The following SEC24D variants were observed in gnomAD, a reference collection of about 807,000 sequenced individuals.
SEC24D encodes the protein SEC24 homolog D, COPII component, also known as protein transport protein Sec24D.
In SEC24D, 69 loss-of-function variants were observed where a neutral mutation model predicts 116.9. The ratio of observed to expected loss-of-function variants is 0.59; its 90% CI spans 0.49 to 0.72. The LOEUF is 0.72. Among genes scored for constraint, SEC24D ranks in the 30% least tolerant of loss-of-function variants. The pLI is 0.00. For missense variants in SEC24D, 1,131 were observed against 1,264.1 expected, an observed-to-expected ratio of 0.89 and a Z score of 1.60; for synonymous variants, 405 against 442.8, an observed-to-expected ratio of 0.91 and a Z score of 1.07.
intron 19 of SEC24D, among the ~76,000 whole-genome samples, chr4:118,734,849 C>T (rs1361006370): frequency 6.6e-6 from 1 of 152,126 alleles, no homozygotes; most frequent in African/African-American, 2.4e-5. Context: ...CATTTAACAA[C>T]ATTTGGTACT....
chr4:118,742,756 C>T (rs3775835), intron 15 of SEC24D, among the ~76,000 whole-genome samples: 48,395 of 152,124 alleles, frequency 0.32, 11,284 homozygotes, highest in African/African-American at 0.67. Flanking sequence ...CATGCCTCCA[C>T]GCCTGCCCAG....
intron 6 of SEC24D, 72 bp downstream of exon 6, chr4:118,814,952 TAACA>T: frequency 6.7e-7 from 1 of 1,501,356 alleles, no homozygotes; most frequent in Non-Finnish European, 9.2e-7. Context: ...GGATAAATGC[TAACA>T]AACTGATGAG....
chr4:118,746,505 C>T (rs1246424437), intron 13 of SEC24D, among the ~76,000 whole-genome samples: 2 of 152,040 alleles, frequency 1.3e-5, no homozygotes, highest in African/African-American at 2.4e-5. Flanking sequence ...ATGATAGCTT[C>T]AAAGGCCCTT....
chr4:118,833,616 C>A lies in SEC24D; in HGVS notation c.81G>T (p.Gly27=). 1 of 1,613,892 alleles carries A rather than the reference C, an allele frequency of 6.2e-7. No individual in the cohort carries two copies. The change falls in exon 2 of 23, where the codon GGG becomes GGT. Residue 27 remains glycine, a synonymous_variant. Coordinates refer to ENST00000280551, the MANE Select transcript of SEC24D (RefSeq NM_014822.4). ...PGIGLSPPHY[G]HYGDPSHTAS... is the part of the protein sequence containing the mutation. ...CTGTGTGCGACGGATCCCCATAGTGCCCATAATGAGGTGGAGAAAGGCCTA... is the reference window on the plus strand; with the variant it reads ...CTGTGTGCGACGGATCCCCATAGTGACCATAATGAGGTGGAGAAAGGCCTA...
intron 14 of SEC24D, among the ~76,000 whole-genome samples, chr4:118,744,413 C>A (rs1028582911): frequency 6.6e-6 from 1 of 152,200 alleles, no homozygotes; most frequent in African/African-American, 2.4e-5. Flanking sequence ...CTCCATCAAT[C>A]CTAATGGAGC....
chr4:118,835,575 TATTTCTAAC>T (rs1731059747), intron 1 of SEC24D, among the ~76,000 whole-genome samples: 1 of 152,206 alleles, frequency 6.6e-6, no homozygotes, highest in Non-Finnish European at 1.5e-5. Flanking sequence ...TTACCATGAA[TATTTCTAAC>T]ATTTCCTTCC....
Position 118,836,116 on chromosome 4 carries a change from C to G in SEC24D, c.-217G>C, listed in dbSNP as rs2110550075. ...GGAGTTGCAGCTGGGCTGGGAACTG[C>G]CACGTCAAACCCTTTCTCGGCTGCG... On this transcript the variant is annotated 5_prime_UTR_variant, in exon 1 of 23. Coordinates refer to ENST00000280551, the MANE Select transcript of SEC24D (RefSeq NM_014822.4). 6.6e-6 allele frequency: 1 copy of G among 152,244 alleles called. No homozygotes were observed. The highest frequency in any genetic ancestry group is 1.9e-4 in the East Asian group (1 of 5,158). 9.4% of individuals were successfully genotyped at this position (152,244 alleles called of 1,614,324 possible).
At chr4:118,742,374 G>GGA (rs978076812) in intron 15 of SEC24D, among the ~76,000 whole-genome samples, 2 of 72,634 alleles carry the variant, frequency 2.8e-5, no homozygotes, top group Non-Finnish European at 9.9e-5. Context: ...TTGGAAAAGT[G>GGA]GGGGGGGGAA....
chr4:118,738,678 T>TGAATTCTTAC (rs1487360760), intron 18 of SEC24D, among the ~76,000 whole-genome samples: 2 of 152,232 alleles, frequency 1.3e-5, no homozygotes, highest in African/African-American at 4.8e-5. Context: ...TTTGATGTCC[T>TGAATTCTTAC]GAATTCTTAC....
chr4:118,751,176 C>CTTTTTTTTTTTTTTTTTTTTTTTT lies in SEC24D; in HGVS notation c.1707+819_1707+820insAAAAAAAAAAAAAAAAAAAAAAAA, dbSNP rs1185148886. On this transcript the variant is annotated intron_variant, in intron 13 of 22. Coordinates refer to ENST00000280551, the MANE Select transcript of SEC24D (RefSeq NM_014822.4). Reference sequence around the variant, plus strand: ...TAATAATGATGATTTAGAGTGAGGGCTTTTTTTTTTTTTTTTTTTGAGATG... The same window carrying CTTTTTTTTTTTTTTTTTTTTTTTT: ...TAATAATGATGATTTAGAGTGAGGGCTTTTTTTTTTTTTTTTTTTTTTTTTTTTTTTTTTTTTTTTTTTGAGATG... Among the ~76,000 whole-genome samples, 48 of 100,328 alleles carry CTTTTTTTTTTTTTTTTTTTTTTTT rather than the reference C, an allele frequency of 4.8e-4. 6 individuals are homozygous for CTTTTTTTTTTTTTTTTTTTTTTTT. The highest frequency in any genetic ancestry group is 6.2e-4 in the Non-Finnish European group (31 of 50,332). 65.8% of individuals were successfully genotyped at this position (100,328 alleles called of 152,430 possible). A position where few individuals can be genotyped will look rare whatever the true frequency, so the allele number is the denominator to read the frequency against.
chr4:118,815,346 TA>T (rs1730094577), intron 5 of SEC24D, 104 bp downstream of exon 5: 1 of 1,445,088 alleles, frequency 6.9e-7, no homozygotes, highest in African/African-American at 1.4e-5. Flanking sequence ...TACCATTTCT[TA>T]AAAGTAAGTG....
chr4:118,783,040 C>T (rs145278743), intron 8 of SEC24D, among the ~76,000 whole-genome samples: 2 of 152,156 alleles, frequency 1.3e-5, no homozygotes, highest in East Asian at 3.9e-4. Flanking sequence ...AAGGGAAATC[C>T]CCTGACCCCT....
At chr4:118,832,545 T>C (rs1730907234) in intron 2 of SEC24D, among the ~76,000 whole-genome samples, 1 of 152,020 alleles carries the variant, frequency 6.6e-6, no homozygotes, top group African/African-American at 2.4e-5. Flanking sequence ...AGTGTTATAC[T>C]TAGGTGTGTA....
At chr4:118,765,703 T>C (rs1578411795) in intron 9 of SEC24D, among the ~76,000 whole-genome samples, 1 of 152,112 alleles carries the variant, frequency 6.6e-6, no homozygotes, top group Non-Finnish European at 1.5e-5. Context: ...AAGAACAACA[T>C]TGCCATTTGT....
rs10518326 is a variant in SEC24D, at chr4:118,758,144, G to A, written c.1297-299C>T. The stretch of plus-strand genomic sequence containing the variant: ...GCAAAGCTTTATTATTACAGTTGCT[G>A]AAGGGAAAGTACAGAATCATGGCCA... On this transcript the variant is annotated intron_variant, in intron 10 of 22. Coordinates refer to ENST00000280551, the MANE Select transcript of SEC24D (RefSeq NM_014822.4). Among the ~76,000 whole-genome samples, 7,371 of 152,226 alleles carry A rather than the reference G, an allele frequency of 0.048. 221 individuals are homozygous for A. Among genetic ancestry groups the A allele is most frequent in the Middle Eastern group, 0.25 (72 of 292 alleles).
At chr4:118,805,088 A>T (rs919735369) in intron 7 of SEC24D, among the ~76,000 whole-genome samples, 2 of 152,154 alleles carry the variant, frequency 1.3e-5, no homozygotes, top group South Asian at 4.1e-4. Context: ...AATTCTCCCA[A>T]TCAAGTCTCT....
chr4:118,772,159 C>T (rs1017852299), intron 8 of SEC24D, among the ~76,000 whole-genome samples: 2 of 152,000 alleles, frequency 1.3e-5, no homozygotes, highest in African/African-American at 4.8e-5. Flanking sequence ...ATCTGAATAC[C>T]CAAGCCTGGC....
chr4:118,758,439 T>C (rs533167066), intron 10 of SEC24D: 43 of 152,316 alleles, frequency 2.8e-4, no homozygotes, highest in African/African-American at 9.6e-4. Context: ...TGCGGTAACA[T>C]AGAACGTCAG....
rs191460150 is a variant in SEC24D, at chr4:118,757,795, T to C, written c.1347A>G (p.Ser449=). 352 of 1,611,770 alleles carry C rather than the reference T, an allele frequency of 2.2e-4. No homozygotes were observed. Among genetic ancestry groups the C allele is most frequent in the Admixed American group, 3.9e-4 (23 of 59,730 alleles). Residue 449 remains serine (S), a synonymous_variant, in exon 11 of 23, where the codon TCA becomes TCG. Coordinates refer to ENST00000280551, the MANE Select transcript of SEC24D (RefSeq NM_014822.4). ...PPAFIFMIDV[S]YSNIKNGLVK... is the part of the protein sequence containing the mutation. Reference sequence around the variant, plus strand: ...CAAGTCCATTCTTTATGTTACTATATGAAACATCAATCATGAAGATAAAGG... The same window carrying C: ...CAAGTCCATTCTTTATGTTACTATACGAAACATCAATCATGAAGATAAAGG...
Sources: gnomAD v4.1 joint callset for allele counts (sites outside exome capture counted in the v4.1 genomes callset) on GRCh38, gnomAD v4.1.1 for gene constraint, MANE v1.5 for transcripts, NCBI Gene and HGNC (gene_info 2026-07-23, HGNC 2026-07-21) for gene names.